The following PLPPR4 variants were observed in gnomAD, a reference collection of about 807,000 sequenced individuals.
PLPPR4 encodes the protein phospholipid phosphatase-related protein type 4.
PLPPR4 carries 24 observed loss-of-function variants against 56.6 expected under a neutral mutation model. The ratio of observed to expected loss-of-function variants is 0.42; its 90% confidence interval spans 0.31 to 0.60. The LOEUF (loss-of-function observed/expected upper bound fraction) is 0.60, where lower values mean the gene tolerates loss of function less well. Among genes scored for constraint, PLPPR4 ranks in the 20% least tolerant of loss-of-function variants. The pLI is 0.13. For synonymous variants in PLPPR4, 326 were observed against 328.1 expected (o/e 0.99, Z 0.07); for missense variants, 654 against 885.8 (o/e 0.74, Z 3.32).
At chr1:99,283,729 T>C (rs981475022) in intron 1 of PLPPR4, among the ~76,000 whole-genome samples, 4 of 152,124 alleles carry the variant, frequency 2.6e-5, no homozygotes, top group Admixed American at 2.0e-4. Flanking sequence ...GGCGGGCGGA[T>C]CACCGAGGTC....
At chr1:99,280,681 C>T (rs1659301819) in intron 1 of PLPPR4, among the ~76,000 whole-genome samples, 1 of 152,026 alleles carries the variant, frequency 6.6e-6, no homozygotes. Context: ...GAGAAGGTTT[C>T]AGGGAGAAAA....
intron 1 of PLPPR4, among the ~76,000 whole-genome samples, chr1:99,278,799 G>A (rs1184327063): frequency 6.6e-6 from 1 of 152,154 alleles, no homozygotes; most frequent in Non-Finnish European, 1.5e-5. Flanking sequence ...TTTTAGAGCT[G>A]TAAAGATGTA....
intron 1 of PLPPR4, among the ~76,000 whole-genome samples, chr1:99,271,899 A>AGTGTGTGTGT (rs553822029): frequency 2.5e-5 from 3 of 118,056 alleles, no homozygotes; most frequent in Admixed American, 8.9e-5. Context: ...GTAGGAGTGA[A>AGTGTGTGTGT]GTGTGTGTGT....
chr1:99,268,809 A>C (rs974388932), intron 1 of PLPPR4, among the ~76,000 whole-genome samples: 7 of 152,222 alleles, frequency 4.6e-5, no homozygotes, highest in African/African-American at 1.7e-4. Context: ...ATGTTCCACT[A>C]GAGAAAAGGT....
At chr1:99,270,272 C>A (rs12063865) in intron 1 of PLPPR4, among the ~76,000 whole-genome samples, 4 of 152,110 alleles carry the variant, frequency 2.6e-5, no homozygotes, top group African/African-American at 9.7e-5. Context: ...GCAATCCTCC[C>A]GCCTCAGCCT....
In PLPPR4 at chr1:99,307,398, A is replaced by G. The variant is rs1240506264; in HGVS notation, c.*388A>G. ...CCCAGAACACACACGTTTTCCCTACAGCAGAGGCCATGCAGTATTATATAT... is the reference window on the plus strand; with the variant it reads ...CCCAGAACACACACGTTTTCCCTACGGCAGAGGCCATGCAGTATTATATAT... On this transcript the variant is annotated 3_prime_UTR_variant, in exon 7 of 7. Coordinates refer to ENST00000370185, the MANE Select transcript of PLPPR4 (RefSeq NM_014839.5). 9.7e-6 allele frequency: 2 copies of G among 206,938 alleles called. No individual in the cohort carries two copies. The highest frequency in any genetic ancestry group is 2.3e-4 in the East Asian group (2 of 8,594). The allele number at this position is 206,938 out of a possible 1,614,324, so 12.8% of individuals were successfully genotyped here. A position where few individuals can be genotyped will look rare whatever the true frequency, so the allele number is the denominator to read the frequency against.
At chr1:99,289,533 G>A (rs1180176413) in intron 2 of PLPPR4, among the ~76,000 whole-genome samples, 1 of 151,950 alleles carries the variant, frequency 6.6e-6, no homozygotes, top group Non-Finnish European at 1.5e-5. Context: ...TATTAATAAT[G>A]TACTTGGAAG....
In PLPPR4 at chr1:99,306,068, G is replaced by A; in HGVS notation, c.1206G>A (p.Gln402=). 3 of 1,614,134 alleles carry A rather than the reference G, an allele frequency of 1.9e-6. No individual in the cohort carries two copies. The highest frequency in any genetic ancestry group is 2.5e-6 in the Non-Finnish European group (3 of 1,180,022). Residue 402 remains glutamine (Q), a synonymous_variant, in exon 7 of 7, where the codon CAG becomes CAA. Coordinates refer to ENST00000370185, the MANE Select transcript of PLPPR4 (RefSeq NM_014839.5). The surrounding 1 kb of genome is among the most constrained non-coding windows in gnomAD (Gnocchi z 4.0). The part of the protein sequence containing the change: ...DSARSKQLLT[Q]WKNKNESRKL... ...CTCGATCAAAGCAGCTCCTCACCCA[G>A]TGGAAGAATAAGAATGAAAGTCGAA...
intron 2 of PLPPR4, 49 bp downstream of exon 2, chr1:99,288,199 A>G: frequency 2.0e-6 from 3 of 1,535,722 alleles, no homozygotes; most frequent in Non-Finnish European, 2.7e-6. Context: ...AAAACTAAAA[A>G]TCACCACATT....
intron 1 of PLPPR4, among the ~76,000 whole-genome samples, chr1:99,273,780 G>A (rs1659115296): frequency 6.6e-6 from 1 of 152,078 alleles, no homozygotes; most frequent in Non-Finnish European, 1.5e-5. Flanking sequence ...TTAACTGGAT[G>A]TAATAAAATA....
intron 1 of PLPPR4, among the ~76,000 whole-genome samples, chr1:99,278,453 C>T (rs1659246555): frequency 6.6e-6 from 1 of 151,832 alleles, no homozygotes; most frequent in Admixed American, 6.6e-5. Flanking sequence ...CTATTATTAC[C>T]CAAATTTTTA....
intron 2 of PLPPR4, among the ~76,000 whole-genome samples, chr1:99,290,472 C>T (rs1659587695): frequency 6.9e-6 from 1 of 143,948 alleles, no homozygotes; most frequent in Non-Finnish European, 1.5e-5. Flanking sequence ...CAAAAAAGAC[C>T]CCAAAGAGCC....
At chr1:99,290,975 T>C (rs554655946) in intron 2 of PLPPR4, among the ~76,000 whole-genome samples, 1 of 151,622 alleles carries the variant, frequency 6.6e-6, no homozygotes, top group South Asian at 2.1e-4. Context: ...CTTCTGAACA[T>C]CAAAATAAAC....
intron 1 of PLPPR4, among the ~76,000 whole-genome samples, chr1:99,284,343 T>C (rs1301901238): frequency 1.3e-5 from 2 of 152,094 alleles, no homozygotes; most frequent in Non-Finnish European, 2.9e-5. Context: ...ATTTCCAAAA[T>C]ATAATGAATA....
chr1:99,303,551 G>T (rs1478136045), intron 6 of PLPPR4, among the ~76,000 whole-genome samples: 1 of 152,060 alleles, frequency 6.6e-6, no homozygotes, highest in Non-Finnish European at 1.5e-5. Context: ...GGAGGAAAAG[G>T]CAATAATGAA....
rs184794803 is a variant in PLPPR4 at position 99,308,643 on chromosome 1, G to A, written c.*1633G>A. On this transcript the variant is annotated 3_prime_UTR_variant, in exon 7 of 7. Coordinates refer to ENST00000370185, the MANE Select transcript of PLPPR4 (RefSeq NM_014839.5). ...AGAAGGAGTTGTTTACAGATGAATA[G>A]TATCACATCATTATCAATTTCCACA... 404 of 152,656 alleles carry A rather than the reference G, an allele frequency of 2.6e-3. No individual in the cohort carries two copies. The highest frequency in any genetic ancestry group is 2.4e-3 in the Non-Finnish European group (161 of 68,014). 9.5% of individuals were successfully genotyped at this position (152,656 alleles called of 1,614,324 possible). A position where few individuals can be genotyped will look rare whatever the true frequency, so the allele number is the denominator to read the frequency against.
At chr1:99,264,212 T>C, upstream of PLPPR4, 2 of 533,628 alleles carry the variant, frequency 3.7e-6, no homozygotes, top group South Asian at 5.8e-5. Flanking sequence ...GTCCTCCTTT[T>C]CGGATTCTTG....
At chr1:99,303,956 C>T (rs1659949550) in intron 6 of PLPPR4, among the ~76,000 whole-genome samples, 1 of 152,114 alleles carries the variant, frequency 6.6e-6, no homozygotes, top group Admixed American at 6.6e-5. Flanking sequence ...TTCATGATGT[C>T]CTGGAATTAG....
chr1:99,307,259 A>C lies in PLPPR4; in HGVS notation c.*249A>C, dbSNP rs975572943. ...TTTCTTAAGACCTGTCGTCAAACTT[A>C]AAAGGTTTTGCAGAGGGCAGTATCA... On this transcript the variant is annotated 3_prime_UTR_variant, in exon 7 of 7. Transcript: ENST00000370185. 6.6e-6 allele frequency: 3 copies of C among 457,646 alleles called. No individual in the cohort carries two copies. The highest frequency in any genetic ancestry group is 7.6e-6 in the Non-Finnish European group (2 of 262,506). 28.3% of individuals were successfully genotyped at this position (457,646 alleles called of 1,614,324 possible).
Sources: gnomAD v4.1 joint callset for allele counts (sites outside exome capture counted in the v4.1 genomes callset) on GRCh38, gnomAD v4.1.1 for gene constraint, Gnocchi (gnomAD v3.1) non-coding constraint, MANE v1.5 for transcripts, NCBI Gene and HGNC (gene_info 2026-07-23, HGNC 2026-07-21) for gene names.